Variants in TNRC6A observed in about 807,000 individuals in gnomAD.
TNRC6A encodes the protein trinucleotide repeat containing adaptor 6A.
TNRC6A carries 44 observed loss-of-function variants against 221.2 expected under a neutral mutation model. The ratio of observed to expected loss-of-function variants is 0.20; its 90% CI spans 0.16 to 0.26. The LOEUF (loss-of-function observed/expected upper bound fraction) is 0.26, where lower values mean the gene tolerates loss of function less well. TNRC6A is among the 10% of genes least tolerant of loss of function. TNRC6A has a pLI of 1.00. For synonymous variants in TNRC6A, 847 were observed against 838.5 expected (o/e 1.01, Z -0.18); for missense variants, 2,199 against 2,404.4 (o/e 0.91, Z 1.79).
chr16:24,726,171 A>T (rs1181645121), upstream of TNRC6A, among the ~76,000 whole-genome samples: 2 of 152,096 alleles, frequency 1.3e-5, no homozygotes, highest in Admixed American at 6.6e-5. Context: ...CAGGTGAGAC[A>T]ACGGTTAAGG....
At chr16:24,700,207 T>C (rs978955321) in intron 2 of TNRC6A, among the ~76,000 whole-genome samples, 4 of 151,968 alleles carry the variant, frequency 2.6e-5, no homozygotes, top group African/African-American at 9.7e-5. Context: ...AAGACCAGCC[T>C]GGGCAACATA....
intron 6 of TNRC6A, among the ~76,000 whole-genome samples, chr16:24,792,564 C>CT (rs903495722): frequency 8.6e-6 from 1 of 116,824 alleles, no homozygotes; most frequent in Admixed American, 1.0e-4. Context: ...AAGTATGTAT[C>CT]TAAGATGAAG....
At chr16:24,725,856 C>G (rs2056482461), upstream of TNRC6A, among the ~76,000 whole-genome samples, 1 of 151,908 alleles carries the variant, frequency 6.6e-6, no homozygotes, top group South Asian at 2.1e-4. Context: ...AAAAATTAGC[C>G]AGGTGTAGTG....
chr16:24,660,945 G>T (rs1225553701), intron 2 of TNRC6A, among the ~76,000 whole-genome samples: 1 of 151,808 alleles, frequency 6.6e-6, no homozygotes, highest in Non-Finnish European at 1.5e-5. Context: ...GTTTCACCGT[G>T]TAAGCCAGGA....
Position 24,656,606 on chromosome 16 carries a change from C to T in TNRC6A, n.402+15597C>T, listed in dbSNP as rs561028270. ...TTCCAAAGGCAGAAATTGCACAAGTCAAATTATCTGTTAAAAACAAACTAT... is the reference window on the plus strand; with the variant it reads ...TTCCAAAGGCAGAAATTGCACAAGTTAAATTATCTGTTAAAAACAAACTAT... On this transcript the variant is annotated intron_variant and non_coding_transcript_variant, in intron 2 of 2. Transcript: ENST00000566108. 2.6e-5 allele frequency among the ~76,000 whole-genome samples: 4 copies of T among 152,038 alleles called. No homozygotes were observed. The South Asian group carries it at 6.2e-4, about 24-fold the overall frequency.
chr16:24,669,085 T>A (rs571249689), intron 2 of TNRC6A, among the ~76,000 whole-genome samples: 17 of 152,222 alleles, frequency 1.1e-4, no homozygotes, highest in Admixed American at 6.5e-4. Context: ...GGGGGATCAA[T>A]TTAAAGAGAA....
chr16:24,758,367 T>C lies in TNRC6A; in HGVS notation c.163+7T>C, dbSNP rs2057295325. On this transcript the variant is annotated splice_region_variant and intron_variant, in intron 4 of 24. Transcript: ENST00000395799. Reference sequence around the variant, plus strand: ...ACTGAACAAAAAATCAAAGGTACGTTGTTTAAAGCTATTTTTTATCCCTTT... The same window carrying C: ...ACTGAACAAAAAATCAAAGGTACGTCGTTTAAAGCTATTTTTTATCCCTTT... 6 of 1,610,344 alleles carry C rather than the reference T, an allele frequency of 3.7e-6. No individual in the cohort carries two copies. In the East Asian group the frequency reaches 1.3e-4, roughly 36 times the overall value.
chr16:24,734,492 A>C (rs984522909), intron 2 of TNRC6A, among the ~76,000 whole-genome samples: 1 of 152,338 alleles, frequency 6.6e-6, no homozygotes, highest in East Asian at 1.9e-4. Flanking sequence ...GAATCATTGA[A>C]TATTTAGAGC....
At chr16:24,792,613 C>CTTTTTTTTTTTTTTTTTTTTTTTT in intron 6 of TNRC6A, among the ~76,000 whole-genome samples, 1 of 56,514 alleles carries the variant, frequency 1.8e-5, no homozygotes, top group Non-Finnish European at 2.9e-5. Context: ...ACATTTATGG[C>CTTTTTTTTTTTTTTTTTTTTTTTT]TTTTTTTTTT....
At chr16:24,799,819 A>G (rs1021623229) in intron 11 of TNRC6A, among the ~76,000 whole-genome samples, 21 of 152,240 alleles carry the variant, frequency 1.4e-4, no homozygotes, top group African/African-American at 5.1e-4. Context: ...AAGTAACCCA[A>G]ACCTTCATTC....
At position 24,790,525 on chromosome 16, in the gene TNRC6A, A is replaced by G. The variant is rs769327184; in HGVS notation, c.1883A>G (p.Asp628Gly). ...NKLPSNQHSN[D>G]SANGNGKTFT... ...CTGCCTAGCAATCAGCATTCCAATG[A>G]TAGTGCAAATGGCAATGGTAAGACG... Residue 628 changes from aspartate (D) to glycine (G), a missense_variant, in exon 6 of 25, where the codon GAT becomes GGT. Around this residue, in one of 8 missense-constraint regions of TNRC6A, gnomAD observed 1,405 missense variants for 1,400.2 expected, o/e 1.00. Transcript: ENST00000395799. The G allele has an allele frequency of 6.2e-7, 1 of 1,614,230 alleles. No homozygotes were observed. Among genetic ancestry groups the G allele is most frequent in the Non-Finnish European group, 8.5e-7 (1 of 1,180,042 alleles).
chr16:24,651,364 C>A (rs1034997737), intron 2 of TNRC6A, among the ~76,000 whole-genome samples: 2 of 151,394 alleles, frequency 1.3e-5, no homozygotes, highest in South Asian at 4.2e-4. Context: ...CATGGAGAAA[C>A]CCTGTCTCTA....
chr16:24,807,737 T>TTG (rs1480592541), intron 17 of TNRC6A, among the ~76,000 whole-genome samples: 7 of 152,042 alleles, frequency 4.6e-5, no homozygotes, highest in African/African-American at 1.7e-4. Flanking sequence ...TCTTTTTTTC[T>TTG]TGTGCCCTTG....
intron 1 of TNRC6A, among the ~76,000 whole-genome samples, chr16:24,640,088 TG>T (rs1326381955): frequency 6.6e-6 from 1 of 152,050 alleles, no homozygotes; most frequent in Non-Finnish European, 1.5e-5. Context: ...GGGGGAGTCT[TG>T]AATAAAAGTA....
chr16:24,752,419 G>A (rs1472789278), intron 3 of TNRC6A, among the ~76,000 whole-genome samples: 2 of 152,122 alleles, frequency 1.3e-5, no homozygotes, highest in African/African-American at 2.4e-5. Flanking sequence ...TGAGATGAGA[G>A]GAGATGATGT....
At chr16:24,709,443 C>G (rs7190025) in intron 2 of TNRC6A, among the ~76,000 whole-genome samples, 39,090 of 152,002 alleles carry the variant, frequency 0.26, 8,331 homozygotes, top group East Asian at 0.72. Context: ...GTGACGCACT[C>G]TCCTTGAAAG....
At chr16:24,764,773 A>G (rs1042654867) in intron 4 of TNRC6A, among the ~76,000 whole-genome samples, 1 of 152,200 alleles carries the variant, frequency 6.6e-6, no homozygotes, top group Non-Finnish European at 1.5e-5. Context: ...CTGTATCCAC[A>G]GAGAATCTGT....
rs1446060310 is a variant in TNRC6A at position 24,791,823 on chromosome 16, T to A, written c.3175+6T>A. ...AGAGGCAAGCAGTGGCTCTGGTAAGTTTCTATTTTATGAAATCAAGCCTTG... is the reference window on the plus strand; with the variant it reads ...AGAGGCAAGCAGTGGCTCTGGTAAGATTCTATTTTATGAAATCAAGCCTTG... On this transcript the variant is annotated splice_donor_region_variant and intron_variant, in intron 6 of 24. Transcript: ENST00000395799. 2.6e-6 allele frequency: 4 copies of A among 1,511,544 alleles called. No individual in the cohort carries two copies. The South Asian group carries it at 5.5e-5, about 21-fold the overall frequency. The allele number at this position is 1,511,544 out of a possible 1,614,324, so 93.6% of individuals were successfully genotyped here.
At chr16:24,806,425 T>C (rs2058433191) in intron 16 of TNRC6A, 142 bp downstream of exon 16, 1 of 1,348,522 alleles carries the variant, frequency 7.4e-7, no homozygotes. Context: ...TTAAGTCTGC[T>C]GGTTGCCCAT....
Sources: gnomAD v4.1 joint callset for allele counts (sites outside exome capture counted in the v4.1 genomes callset) on GRCh38, gnomAD v4.1.1 for gene constraint, gnomAD v4.1.1 regional missense constraint, MANE v1.5 for transcripts, NCBI Gene and HGNC (gene_info 2026-07-23, HGNC 2026-07-21) for gene names.